Variants in LRRC2 observed in about 807,000 individuals in gnomAD.
LRRC2 encodes leucine rich repeat containing 2, also known as leucine-rich repeat-containing protein 2.
Under a neutral mutation model 40.2 loss-of-function variants are expected in LRRC2, and 27 were observed. The ratio of observed to expected loss-of-function variants is 0.67; its 90% CI spans 0.49 to 0.93. The LOEUF is 0.93. LRRC2 is among the 40% of genes least tolerant of loss of function. The probability of loss-of-function intolerance (pLI) is 0.00; values close to 1 mark genes in which losing one functional copy is unlikely to be tolerated. For missense variants in LRRC2, 402 were observed against 439.6 expected (o/e 0.91, Z 0.76); for synonymous variants, 147 against 158.9 (o/e 0.92, Z 0.56).
intron 1 of LRRC2, among the ~76,000 whole-genome samples, chr3:46,554,297 C>T (rs1194768351): frequency 1.6e-5 from 1 of 61,142 alleles, no homozygotes; most frequent in Non-Finnish European, 3.3e-5. Context: ...CTGGGATTAT[C>T]GGCATGAGAC....
chr3:46,527,446 A>C lies in LRRC2; in HGVS notation c.909T>G (p.Cys303Trp). The change falls in exon 7 of 9, where the codon TGT (cysteine) becomes TGG (tryptophan). Residue 303 changes from cysteine (C) to tryptophan (W), a missense_variant. Transcript: ENST00000395905. Reference sequence around the variant, plus strand: ...CTCACTTTAAAGGTGTGGATGAGTCACAAAGGGCAGTTGGGAGCTCCACCA... The same window carrying C: ...CTCACTTTAAAGGTGTGGATGAGTCCCAAAGGGCAGTTGGGAGCTCCACCA... ...DHLVELPTAL[C>W]DSSTPLKFVS... The C allele has an allele frequency of 1.2e-6, 2 of 1,613,896 alleles. No homozygotes were observed. The highest frequency in any genetic ancestry group is 1.7e-6 in the Non-Finnish European group (2 of 1,179,846).
chr3:46,533,355 T>C (rs1575348692), intron 4 of LRRC2, among the ~76,000 whole-genome samples: 1 of 152,316 alleles, frequency 6.6e-6, no homozygotes, highest in Non-Finnish European at 1.5e-5. Context: ...GGCTCCTGGT[T>C]TCTAGAGCCC....
At chr3:46,544,778 T>C (rs1201026817) in intron 3 of LRRC2, among the ~76,000 whole-genome samples, 3 of 152,152 alleles carry the variant, frequency 2.0e-5, no homozygotes, top group Non-Finnish European at 4.4e-5. Context: ...CAAAGAATTA[T>C]GTTAAGGGTC....
intron 1 of LRRC2, chr3:46,559,178 C>T (rs1704881319): frequency 6.6e-6 from 1 of 152,200 alleles, no homozygotes; most frequent in Non-Finnish European, 1.5e-5. Flanking sequence ...CTGCAAAGAT[C>T]TTAATTAAGG....
At chr3:46,525,017 T>G (rs1704031187) in intron 7 of LRRC2, among the ~76,000 whole-genome samples, 1 of 152,024 alleles carries the variant, frequency 6.6e-6, no homozygotes, top group Non-Finnish European at 1.5e-5. Context: ...AACTCACCTA[T>G]AAATCATTGC....
At chr3:46,539,008 C>T (rs944005960) in intron 4 of LRRC2, 37 bp downstream of exon 4, 1 of 1,602,728 alleles carries the variant, frequency 6.2e-7, no homozygotes, top group African/African-American at 1.3e-5. Flanking sequence ...CTGCTTAACA[C>T]ACCAGAGGCC....
intron 1 of LRRC2, among the ~76,000 whole-genome samples, chr3:46,560,929 G>A (rs1402190087): frequency 6.6e-6 from 1 of 152,186 alleles, no homozygotes; most frequent in African/African-American, 2.4e-5. Context: ...GCTCCTGAGT[G>A]AAAATGTTAA....
chr3:46,523,211 A>C (rs1559408206), intron 7 of LRRC2, among the ~76,000 whole-genome samples: 1 of 152,182 alleles, frequency 6.6e-6, no homozygotes, highest in South Asian at 2.1e-4. Flanking sequence ...TAAGAAATAT[A>C]CCTACATTTT....
At chr3:46,529,824 C>T (rs1704126569) in intron 6 of LRRC2, 81 bp downstream of exon 6, 1 of 1,414,022 alleles carries the variant, frequency 7.1e-7, no homozygotes, top group Admixed American at 1.9e-5. Context: ...CATTCATGTA[C>T]TATACATGTT....
chr3:46,535,902 C>T (rs761926115), intron 4 of LRRC2, among the ~76,000 whole-genome samples: 3 of 152,154 alleles, frequency 2.0e-5, no homozygotes, highest in Non-Finnish European at 2.9e-5. Context: ...CTCACAACAA[C>T]GCGGTGAACT....
intron 1 of LRRC2, among the ~76,000 whole-genome samples, chr3:46,560,297 G>A (rs1167271770): frequency 6.6e-6 from 1 of 152,226 alleles, no homozygotes; most frequent in African/African-American, 2.4e-5. Flanking sequence ...GTCAGGGACA[G>A]ACACAGGTGC....
At chr3:46,522,392 T>TA (rs1703979360) in intron 7 of LRRC2, among the ~76,000 whole-genome samples, 1 of 144,434 alleles carries the variant, frequency 6.9e-6, no homozygotes, top group Admixed American at 6.8e-5. Flanking sequence ...AATAAATAAA[T>TA]AAATAAATAA....
intron 1 of LRRC2, among the ~76,000 whole-genome samples, chr3:46,565,957 T>C (rs1197262661): frequency 6.6e-6 from 1 of 152,202 alleles, no homozygotes; most frequent in Non-Finnish European, 1.5e-5. Context: ...CTTCCCACCA[T>C]AGTCCTGGAC....
At chr3:46,521,485 C>A (rs1703963045) in intron 8 of LRRC2, 37 bp downstream of exon 8, 3 of 1,481,862 alleles carry the variant, frequency 2.0e-6, no homozygotes, top group Non-Finnish European at 2.7e-6. Flanking sequence ...GACGTCTGTA[C>A]ACTAATTTTA....
Position 46,518,949 on chromosome 3 carries a change from T to C in LRRC2, c.*65A>G, listed in dbSNP as rs1379001487. The C allele has an allele frequency of 2.8e-6, 3 of 1,083,786 alleles. No homozygotes were observed. In the Admixed American group the frequency reaches 5.1e-5, roughly 19 times the overall value. 67.1% of individuals were successfully genotyped at this position (1,083,786 alleles called of 1,614,324 possible). ...CACAAGCCATTCTTCCTATATGACA[T>C]GATCATAACAAAGATTTATATATAG... On this transcript the variant is annotated 3_prime_UTR_variant, in exon 9 of 9. Coordinates refer to ENST00000395905, the MANE Select transcript of LRRC2 (RefSeq NM_024512.5).
chr3:46,553,685 G>A (rs1168700346), intron 1 of LRRC2, among the ~76,000 whole-genome samples: 1 of 152,114 alleles, frequency 6.6e-6, no homozygotes, highest in Non-Finnish European at 1.5e-5. Context: ...GCGGGGCCTC[G>A]CTATGTTACC....
chr3:46,529,839 A>C, intron 6 of LRRC2, 66 bp downstream of exon 6: 1 of 1,520,884 alleles, frequency 6.6e-7, no homozygotes, highest in Non-Finnish European at 9.1e-7. Flanking sequence ...CATGTTTCAA[A>C]TGTTAACAGT....
intron 2 of LRRC2, among the ~76,000 whole-genome samples, chr3:46,549,442 A>G (rs1026829931): frequency 2.0e-5 from 3 of 152,190 alleles, no homozygotes; most frequent in Admixed American, 6.5e-5. Context: ...TTAAACATGC[A>G]CATTCTTCCC....
chr3:46,562,625 G>A (rs1301332387), intron 1 of LRRC2, among the ~76,000 whole-genome samples: 2 of 152,026 alleles, frequency 1.3e-5, no homozygotes, highest in Non-Finnish European at 2.9e-5. Flanking sequence ...AAAGAAACAT[G>A]ATGTTCTCCA....
Sources: gnomAD v4.1 joint callset for allele counts (sites outside exome capture counted in the v4.1 genomes callset) on GRCh38, gnomAD v4.1.1 for gene constraint, MANE v1.5 for transcripts, NCBI Gene and HGNC (gene_info 2026-07-23, HGNC 2026-07-21) for gene names.